Variants in MGAT5 observed in about 807,000 individuals in gnomAD.
MGAT5 encodes alpha-1,6-mannosylglycoprotein 6-beta-N-acetylglucosaminyltransferase, also known as alpha-1,6-mannosylglycoprotein 6-beta-N-acetylglucosaminyltransferase A.
In MGAT5, 30 loss-of-function variants were observed where a neutral mutation model predicts 94.3. That is an observed-to-expected ratio of 0.32 (90% CI 0.24 to 0.43). The LOEUF is 0.43. MGAT5 is among the 20% of genes least tolerant of loss of function. MGAT5 has a pLI of 1.00. For synonymous variants in MGAT5, 310 were observed against 322.9 expected, an observed-to-expected ratio of 0.96 and a Z score of 0.43; for missense variants, 691 against 905.5, an observed-to-expected ratio of 0.76 and a Z score of 3.04.
At chr2:134,433,397 T>C (rs114574482) in intron 14 of MGAT5, among the ~76,000 whole-genome samples, 2,168 of 152,340 alleles carry the variant, frequency 0.014, 50 homozygotes, top group African/African-American at 0.048. Context: ...TTCTCCTGCG[T>C]AGACTCCTAG....
rs575872074 is a variant in MGAT5, at chr2:134,171,156, C to T, written c.-143+50865C>T. Among the ~76,000 whole-genome samples, 34 of 152,212 alleles carry T rather than the reference C, an allele frequency of 2.2e-4. No individual in the cohort carries two copies. In the South Asian group the frequency reaches 2.5e-3, roughly 11 times the overall value. On this transcript the variant is annotated intron_variant, in intron 1 of 16. Coordinates refer to the MGAT5 transcript ENST00000409645. ...GATTCCATGCATGAGCCACTGTGTC[C>T]GGCCGAGATATATTTCCAAAATGGC...
At chr2:134,339,673 G>A (rs1012003051) in intron 6 of MGAT5, among the ~76,000 whole-genome samples, 4 of 152,116 alleles carry the variant, frequency 2.6e-5, no homozygotes, top group African/African-American at 4.8e-5. Context: ...CTAGACTTCT[G>A]AATATATCTG....
chr2:134,240,840 T>C (rs957517982), intron 1 of MGAT5, among the ~76,000 whole-genome samples: 17 of 152,256 alleles, frequency 1.1e-4, no homozygotes, highest in African/African-American at 2.9e-4. Flanking sequence ...CTGCAGTGTG[T>C]TATTTGTGGA....
At position 134,402,898 on chromosome 2, in the gene MGAT5, C is replaced by T. The variant is rs558497400; in HGVS notation, c.1381-90C>T. The T allele has an allele frequency of 1.0e-4, 128 of 1,286,386 alleles. 1 individual carries two copies. The East Asian group carries it at 3.2e-3, about 33-fold the overall frequency. 79.7% of individuals were successfully genotyped at this position (1,286,386 alleles called of 1,614,324 possible). A position where few individuals can be genotyped will look rare whatever the true frequency, so the allele number is the denominator to read the frequency against. Reference sequence around the variant, plus strand: ...CATATTAAGAACTCTCTGTCTGTGGCCTCTAGTCTTAGAAGTTCTAGTCCA... The same window carrying T: ...CATATTAAGAACTCTCTGTCTGTGGTCTCTAGTCTTAGAAGTTCTAGTCCA... On this transcript the variant is annotated intron_variant, in intron 10 of 15. Transcript: ENST00000281923.
chr2:134,215,028 G>A (rs1189548208), intron 1 of MGAT5, among the ~76,000 whole-genome samples: 12 of 152,000 alleles, frequency 7.9e-5, no homozygotes, highest in Middle Eastern at 3.2e-3. Context: ...CTCATAAAAT[G>A]GAAACTATTT....
intron 1 of MGAT5, among the ~76,000 whole-genome samples, chr2:134,238,990 T>TTTTA (rs768477514): frequency 9.9e-5 from 15 of 151,860 alleles, no homozygotes; most frequent in Admixed American, 1.3e-4. Context: ...CCTAAACGTG[T>TTTTA]TTTATTTATT....
chr2:134,120,975 G>GAGCCCACACCCGCGCAC (rs1357219705), intron 1 of MGAT5, among the ~76,000 whole-genome samples: 5 of 152,148 alleles, frequency 3.3e-5, no homozygotes, highest in African/African-American at 1.2e-4. Context: ...AGGGAGCGCA[G>GAGCCCACACCCGCGCAC]AGCCCACACC....
At position 134,394,084 on chromosome 2, in the gene MGAT5, A is replaced by G. The variant is rs111459433; in HGVS notation, c.1381-8904A>G. 5.0e-4 allele frequency among the ~76,000 whole-genome samples: 76 copies of G among 152,292 alleles called. 1 individual carries two copies. Among genetic ancestry groups the G allele is most frequent in the African/African-American group, 1.7e-3 (72 of 41,544 alleles). The stretch of plus-strand genomic sequence containing the variant: ...GCCTTTTTCCCTTTCTGGTTTCCCA[A>G]TGAAACTGGGCCTTCTCCACTCATC... On this transcript the variant is annotated intron_variant, in intron 10 of 15. Coordinates refer to ENST00000281923, the MANE Select transcript of MGAT5 (RefSeq NM_002410.5).
chr2:134,402,188 AG>A (rs1315493067), intron 10 of MGAT5, among the ~76,000 whole-genome samples: 10 of 152,214 alleles, frequency 6.6e-5, no homozygotes, highest in Non-Finnish European at 1.5e-4. Context: ...GTTTAGTCAC[AG>A]GGAAACACAG....
At chr2:134,269,958 G>T (rs1464096897) in intron 1 of MGAT5, among the ~76,000 whole-genome samples, 1 of 152,208 alleles carries the variant, frequency 6.6e-6, no homozygotes, top group Non-Finnish European at 1.5e-5. Context: ...TTAAAAAACT[G>T]GGACATGCTA....
intron 9 of MGAT5, among the ~76,000 whole-genome samples, chr2:134,359,111 T>C (rs1374679520): frequency 1.3e-5 from 2 of 152,224 alleles, no homozygotes; most frequent in African/African-American, 4.8e-5. Context: ...CTCCTGCAGT[T>C]TTTTAGCATG....
At chr2:134,329,265 C>T (rs985935153) in intron 4 of MGAT5, among the ~76,000 whole-genome samples, 3 of 151,996 alleles carry the variant, frequency 2.0e-5, no homozygotes, top group Admixed American at 6.6e-5. Context: ...TCTATAAGAT[C>T]TTGGTATAAA....
intron 14 of MGAT5, among the ~76,000 whole-genome samples, chr2:134,441,511 CT>C (rs34555159): frequency 0.074 from 11,205 of 152,232 alleles, 508 homozygotes; most frequent in Middle Eastern, 0.16. Flanking sequence ...TCCTGGAGCC[CT>C]TTGTGGAAGG....
intron 1 of MGAT5, among the ~76,000 whole-genome samples, chr2:134,216,600 A>C (rs575346065): frequency 5.3e-5 from 8 of 152,348 alleles, no homozygotes; most frequent in Non-Finnish European, 1.0e-4. Context: ...GAAGCATACT[A>C]AAGAAACCCA....
chr2:134,194,557 C>T (rs1001191808), intron 1 of MGAT5, among the ~76,000 whole-genome samples: 13 of 152,026 alleles, frequency 8.6e-5, no homozygotes, highest in South Asian at 2.1e-4. Flanking sequence ...AATAAGTGTT[C>T]GAATCAATCT....
intron 9 of MGAT5, among the ~76,000 whole-genome samples, chr2:134,357,347 C>T (rs1253607483): frequency 6.6e-6 from 1 of 152,184 alleles, no homozygotes; most frequent in Non-Finnish European, 1.5e-5. Context: ...GATATTCCAA[C>T]CCTGAATTTC....
At chr2:134,406,940 G>C (rs577701123) in intron 11 of MGAT5, among the ~76,000 whole-genome samples, 1 of 152,268 alleles carries the variant, frequency 6.6e-6, no homozygotes, top group South Asian at 2.1e-4. Context: ...AGACTCTCCT[G>C]CAGCTGCATG....
chr2:134,439,090 T>A (rs1036731267), intron 14 of MGAT5, among the ~76,000 whole-genome samples: 13 of 152,118 alleles, frequency 8.5e-5, no homozygotes, highest in Admixed American at 3.3e-4. Context: ...ATCCTTGATT[T>A]AAGGAGACTC....
intron 1 of MGAT5, among the ~76,000 whole-genome samples, chr2:134,239,201 T>A (rs1257182): frequency 0.42 from 64,021 of 151,840 alleles, 16,466 homozygotes; most frequent in Non-Finnish European, 0.58. Flanking sequence ...GGGTTCACCG[T>A]GTTAGCCAGG....
Sources: gnomAD v4.1 joint callset for allele counts (sites outside exome capture counted in the v4.1 genomes callset) on GRCh38, gnomAD v4.1.1 for gene constraint, MANE v1.5 for transcripts, NCBI Gene and HGNC (gene_info 2026-07-23, HGNC 2026-07-21) for gene names.